Variants in LRRC4C observed in about 807,000 individuals in gnomAD.
The protein encoded by LRRC4C is leucine-rich repeat-containing protein 4C.
A neutral mutation model predicts 33.6 loss-of-function variants in LRRC4C; 5 were observed. The ratio of observed to expected loss-of-function variants is 0.15; its 90% CI spans 0.08 to 0.31. The LOEUF is 0.31. Ranked by LOEUF, LRRC4C falls within the 10% of genes least tolerant of loss-of-function variation. The probability of loss-of-function intolerance (pLI) is 1.00; values close to 1 mark genes in which losing one functional copy is unlikely to be tolerated. For synonymous variants in LRRC4C, 329 were observed against 302.0 expected, an observed-to-expected ratio of 1.09 and a Z score of -0.93; for missense variants, 560 against 796.7, an observed-to-expected ratio of 0.70 and a Z score of 3.58.
At chr11:40,660,056 T>C (rs982472431) in intron 2 of LRRC4C, among the ~76,000 whole-genome samples, 2 of 152,168 alleles carry the variant, frequency 1.3e-5, no homozygotes, top group Non-Finnish European at 2.9e-5. Context: ...GTTCCTTGTG[T>C]TTCCAAGCTT....
At chr11:41,449,690 C>T (rs1479792352) in intron 1 of LRRC4C, among the ~76,000 whole-genome samples, 1 of 151,212 alleles carries the variant, frequency 6.6e-6, no homozygotes, top group African/African-American at 2.4e-5. Flanking sequence ...TGACTCTCTA[C>T]TGGCCTCCCC....
chr11:40,895,616 G>A (rs1415059159), intron 2 of LRRC4C, among the ~76,000 whole-genome samples: 3 of 151,982 alleles, frequency 2.0e-5, no homozygotes, highest in Non-Finnish European at 4.4e-5. Flanking sequence ...ACAAAGCTTT[G>A]CATTATTCTT....
intron 2 of LRRC4C, among the ~76,000 whole-genome samples, chr11:40,669,719 T>G (rs1174557177): frequency 6.6e-6 from 1 of 152,242 alleles, no homozygotes; most frequent in African/African-American, 2.4e-5. Context: ...TAATTCTGAT[T>G]TGGCTGTGCC....
At chr11:41,080,342 CTTTTTTTTTTTT>C (rs71060997) in intron 1 of LRRC4C, among the ~76,000 whole-genome samples, 1 of 103,434 alleles carries the variant, frequency 9.7e-6, no homozygotes, top group Admixed American at 1.4e-4. Flanking sequence ...GAGTCTCCTC[CTTTTTTTTTTTT>C]TTTTTTTTTT....
intron 3 of LRRC4C, among the ~76,000 whole-genome samples, chr11:40,484,607 T>G (rs545794999): frequency 2.0e-5 from 3 of 152,100 alleles, no homozygotes; most frequent in Admixed American, 6.6e-5. Context: ...GAAAATAAAT[T>G]TAAAGACATT....
At chr11:41,293,656 G>C (rs995707448) in intron 1 of LRRC4C, among the ~76,000 whole-genome samples, 1 of 151,792 alleles carries the variant, frequency 6.6e-6, no homozygotes, top group Non-Finnish European at 1.5e-5. Flanking sequence ...GAGTACAATG[G>C]CCGCGATCTT....
intron 3 of LRRC4C, among the ~76,000 whole-genome samples, chr11:40,518,491 C>A (rs1179111433): frequency 6.6e-6 from 1 of 152,110 alleles, no homozygotes; most frequent in African/African-American, 2.4e-5. Context: ...ATGCAGCCAA[C>A]AAACATGAAC....
chr11:41,131,753 C>T (rs1256378653), intron 1 of LRRC4C, among the ~76,000 whole-genome samples: 2 of 152,080 alleles, frequency 1.3e-5, no homozygotes, highest in African/African-American at 4.8e-5. Context: ...CTAAAACTTA[C>T]CAAGACCAAG....
chr11:41,325,574 TTTTTG>T (rs772509325), intron 1 of LRRC4C, among the ~76,000 whole-genome samples: 2,389 of 99,970 alleles, frequency 0.024, 25 homozygotes, highest in Non-Finnish European at 0.038. Context: ...TAGTTTTTTT[TTTTTG>T]TGTGTGTGTG....
At position 40,114,265 on chromosome 11, in the gene LRRC4C, T is replaced by A; in HGVS notation, c.*105A>T. 1 of 1,271,818 alleles carries A rather than the reference T, an allele frequency of 7.9e-7. No homozygotes were observed. The highest frequency in any genetic ancestry group is 1.0e-6 in the Non-Finnish European group (1 of 952,578). The allele number at this position is 1,271,818 out of a possible 1,614,324, so 78.8% of individuals were successfully genotyped here. The stretch of plus-strand genomic sequence containing the variant: ...ATTTCTTTTCTTTTTTGTTTTTTTG[T>A]AAAGACACTTTTTTGAAACAGTAGA... On this transcript the variant is annotated 3_prime_UTR_variant, in exon 7 of 7. Transcript: ENST00000528697.
intron 2 of LRRC4C, among the ~76,000 whole-genome samples, chr11:40,826,427 A>T (rs975438535): frequency 6.6e-6 from 1 of 152,014 alleles, no homozygotes; most frequent in African/African-American, 2.4e-5. Flanking sequence ...CAGGAAGAGA[A>T]TAAGCAGAAG....
intron 1 of LRRC4C, among the ~76,000 whole-genome samples, chr11:41,041,496 C>G (rs972822267): frequency 3.3e-5 from 5 of 152,098 alleles, no homozygotes; most frequent in East Asian, 3.9e-4. Context: ...TTTTATGTAT[C>G]TGTAATAATG....
At chr11:40,353,852 C>A (rs1281415264) in intron 3 of LRRC4C, among the ~76,000 whole-genome samples, 5 of 152,118 alleles carry the variant, frequency 3.3e-5, no homozygotes, top group Non-Finnish European at 5.9e-5. Context: ...GTCACTGGCA[C>A]CTTATTTATT....
intron 2 of LRRC4C, among the ~76,000 whole-genome samples, chr11:40,887,892 T>A (rs1187952083): frequency 6.6e-6 from 1 of 152,020 alleles, no homozygotes; most frequent in Non-Finnish European, 1.5e-5. Flanking sequence ...ATTAACATTA[T>A]AATGGAAATC....
At chr11:41,074,999 A>G (rs1159991018) in intron 1 of LRRC4C, among the ~76,000 whole-genome samples, 1 of 109,956 alleles carries the variant, frequency 9.1e-6, no homozygotes, top group Non-Finnish European at 2.1e-5. Flanking sequence ...CCATCCTCCC[A>G]CAACCTTCAA....
chr11:40,514,604 G>A (rs1201015734), intron 3 of LRRC4C, among the ~76,000 whole-genome samples: 4 of 151,618 alleles, frequency 2.6e-5, no homozygotes, highest in East Asian at 3.9e-4. Context: ...AATTTAATTC[G>A]CTTCTTATTT....
intron 6 of LRRC4C, among the ~76,000 whole-genome samples, chr11:40,140,177 T>C (rs1036878138): frequency 2.0e-5 from 3 of 152,132 alleles, no homozygotes; most frequent in African/African-American, 7.2e-5. Context: ...AAGATTAGAA[T>C]CCTGCCTTCA....
At chr11:40,440,579 T>C (rs1248500328) in intron 3 of LRRC4C, among the ~76,000 whole-genome samples, 2 of 152,192 alleles carry the variant, frequency 1.3e-5, no homozygotes, top group African/African-American at 4.8e-5. Flanking sequence ...ATTTTCATAT[T>C]CATTCTCTAT....
chr11:40,469,493 G>T (rs4325299), intron 3 of LRRC4C, among the ~76,000 whole-genome samples: 21,316 of 151,978 alleles, frequency 0.14, 1,555 homozygotes, highest in Non-Finnish European at 0.15. Flanking sequence ...GGAATTTTTT[G>T]TCATGCCCCA....
Sources: gnomAD v4.1 joint callset for allele counts (sites outside exome capture counted in the v4.1 genomes callset) on GRCh38, gnomAD v4.1.1 for gene constraint, MANE v1.5 for transcripts, NCBI Gene and HGNC (gene_info 2026-07-23, HGNC 2026-07-21) for gene names.